MAGI2: variants seen among roughly 807,000 people sequenced by gnomAD.
The protein encoded by MAGI2 is membrane-associated guanylate kinase, WW and PDZ domain-containing protein 2.
Under a neutral mutation model 133.3 loss-of-function variants are expected in MAGI2, and 35 were observed. The observed-to-expected ratio is 0.26, with a 90% confidence interval of 0.20 to 0.35. The LOEUF is 0.35. MAGI2 is among the 10% of genes least tolerant of loss of function. The probability of loss-of-function intolerance (pLI) is 1.00; values close to 1 mark genes in which losing one functional copy is unlikely to be tolerated. For missense variants in MAGI2, 1,636 were observed against 1,863.4 expected, an observed-to-expected ratio of 0.88 and a Z score of 2.25; for synonymous variants, 729 against 710.6, an observed-to-expected ratio of 1.03 and a Z score of -0.41.
chr7:78,178,733 G>C (rs943045104), intron 13 of MAGI2, among the ~76,000 whole-genome samples: 7 of 152,058 alleles, frequency 4.6e-5, no homozygotes, highest in African/African-American at 1.4e-4. Context: ...AACTCCTTTA[G>C]GGTTTTTATA....
chr7:78,666,218 C>G (rs1159957153), intron 2 of MAGI2, among the ~76,000 whole-genome samples: 1 of 152,090 alleles, frequency 6.6e-6, no homozygotes, highest in Non-Finnish European at 1.5e-5. Context: ...ATCATTATAG[C>G]CATGGACAAC....
chr7:78,547,962 T>G (rs551044088), intron 3 of MAGI2, among the ~76,000 whole-genome samples: 1 of 149,698 alleles, frequency 6.7e-6, no homozygotes, highest in South Asian at 2.1e-4. Flanking sequence ...CCTTTTAAGC[T>G]TCTTTTCTTC....
intron 2 of MAGI2, among the ~76,000 whole-genome samples, chr7:78,872,292 A>T (rs967824355): frequency 6.6e-6 from 1 of 152,044 alleles, no homozygotes; most frequent in African/African-American, 2.4e-5. Context: ...ATTAGTAAAT[A>T]AAAATACAGC....
intron 4 of MAGI2, among the ~76,000 whole-genome samples, chr7:78,508,860 T>C (rs1197463396): frequency 2.6e-5 from 4 of 151,816 alleles, no homozygotes; most frequent in Non-Finnish European, 5.9e-5. Flanking sequence ...TTTCTCAGTA[T>C]GCTTTTATTG....
intron 1 of MAGI2, among the ~76,000 whole-genome samples, chr7:79,372,091 C>A (rs542729708): frequency 1.5e-4 from 23 of 152,246 alleles, no homozygotes; most frequent in African/African-American, 5.5e-4. Flanking sequence ...TAATCGAAAT[C>A]TGCATTGCCT....
At chr7:79,128,552 A>T (rs17151995) in intron 1 of MAGI2, among the ~76,000 whole-genome samples, 6,425 of 152,244 alleles carry the variant, frequency 0.042, 199 homozygotes, top group African/African-American at 0.081. Flanking sequence ...TTGAATTACA[A>T]ATATGCTACA....
At chr7:78,372,479 A>T (rs1417571597) in intron 6 of MAGI2, among the ~76,000 whole-genome samples, 1 of 152,192 alleles carries the variant, frequency 6.6e-6, no homozygotes. Flanking sequence ...GTTATTTAGA[A>T]TACTGTATTC....
chr7:78,522,493 C>T (rs1359566654), intron 3 of MAGI2, among the ~76,000 whole-genome samples: 1 of 152,098 alleles, frequency 6.6e-6, no homozygotes, highest in African/African-American at 2.4e-5. Flanking sequence ...ATTCTTGTGC[C>T]TCAGCCTCCT....
intron 2 of MAGI2, among the ~76,000 whole-genome samples, chr7:78,840,322 T>C (rs17455327): frequency 0.063 from 9,597 of 152,148 alleles, 369 homozygotes; most frequent in Middle Eastern, 0.11. Flanking sequence ...GGAATACTCA[T>C]ACAATACGTT....
At chr7:78,868,721 T>C (rs1584220228) in intron 2 of MAGI2, among the ~76,000 whole-genome samples, 1 of 151,386 alleles carries the variant, frequency 6.6e-6, no homozygotes, top group East Asian at 2.0e-4. Context: ...TTTCACATTT[T>C]CCTGAACATT....
chr7:78,072,719 C>T (rs57291353), intron 21 of MAGI2: 5,200 of 394,982 alleles, frequency 0.013, 231 homozygotes, highest in African/African-American at 0.093. Context: ...CTTGCTCTGT[C>T]GCCCAGGCTG....
intron 1 of MAGI2, among the ~76,000 whole-genome samples, chr7:79,261,157 A>G (rs1369988359): frequency 2.0e-5 from 3 of 152,244 alleles, no homozygotes; most frequent in Admixed American, 6.5e-5. Flanking sequence ...AGGTTAATCA[A>G]CAACCAAATG....
intron 1 of MAGI2, among the ~76,000 whole-genome samples, chr7:79,336,782 T>A (rs1260373032): frequency 6.6e-6 from 1 of 152,074 alleles, no homozygotes; most frequent in African/African-American, 2.4e-5. Flanking sequence ...AATGGCAGGA[T>A]CTCCTTTTTA....
intron 1 of MAGI2, chr7:79,410,313 G>A (rs1475525873): frequency 1.3e-5 from 2 of 151,990 alleles, no homozygotes; most frequent in Non-Finnish European, 2.9e-5. Flanking sequence ...TTGAATCCGG[G>A]GCTATGTTTG....
intron 1 of MAGI2, among the ~76,000 whole-genome samples, chr7:79,131,365 G>A (rs1315000104): frequency 6.6e-6 from 1 of 152,170 alleles, no homozygotes; most frequent in East Asian, 1.9e-4. Flanking sequence ...GAAGGAGTAG[G>A]TAGGAAGCTG....
intron 1 of MAGI2, among the ~76,000 whole-genome samples, chr7:79,328,307 T>C (rs1839840591): frequency 6.6e-6 from 1 of 152,178 alleles, no homozygotes. Flanking sequence ...TCCTGTAATA[T>C]CAAGAATATC....
At chr7:78,505,890 AAATAAATAAATGAGGG>A (rs1795043376) in intron 4 of MAGI2, among the ~76,000 whole-genome samples, 8 of 68,480 alleles carry the variant, frequency 1.2e-4, no homozygotes, top group African/African-American at 9.2e-4. Context: ...GGTAAGGGAG[AAATAAATAAATGAGGG>A]CTGGATTAAG....
intron 9 of MAGI2, among the ~76,000 whole-genome samples, chr7:78,315,440 G>T (rs1381853061): frequency 6.6e-6 from 1 of 152,078 alleles, no homozygotes; most frequent in Non-Finnish European, 1.5e-5. Context: ...GCTGTCTATA[G>T]AATTTAGTCA....
At chr7:78,829,730 G>GC (rs1226864541) in intron 2 of MAGI2, among the ~76,000 whole-genome samples, 4 of 151,998 alleles carry the variant, frequency 2.6e-5, no homozygotes, top group Non-Finnish European at 4.4e-5. Flanking sequence ...TTCACATAGA[G>GC]CTGACATTCT....
Sources: allele counts gnomAD v4.1 joint callset (sites outside exome capture counted in the v4.1 genomes callset), GRCh38; gene constraint gnomAD v4.1.1; transcripts MANE v1.5; gene names NCBI Gene and HGNC (gene_info 2026-07-23, HGNC 2026-07-21).